Variants in DDAH1 observed in about 807,000 individuals in gnomAD.
DDAH1 encodes N(G),N(G)-dimethylarginine dimethylaminohydrolase 1.
A neutral mutation model predicts 28.8 loss-of-function variants in DDAH1; 19 were observed. That is an observed-to-expected ratio of 0.66 (90% CI 0.46 to 0.97). The LOEUF (loss-of-function observed/expected upper bound fraction) is 0.97. Ranked by LOEUF, DDAH1 falls within the 50% of genes least tolerant of loss-of-function variation. The pLI, the probability that DDAH1 is intolerant of heterozygous loss-of-function variation, is 0.00. For synonymous variants in DDAH1, 153 were observed against 154.4 expected (o/e 0.99, Z 0.07); for missense variants, 326 against 375.9 (o/e 0.87, Z 1.10).
intron 1 of DDAH1, among the ~76,000 whole-genome samples, chr1:85,409,503 A>G (rs1448118752): frequency 6.6e-6 from 1 of 152,218 alleles, no homozygotes; most frequent in Admixed American, 6.5e-5. Flanking sequence ...TTCTAGTCAC[A>G]TCAAACTTCC....
intron 1 of DDAH1, among the ~76,000 whole-genome samples, chr1:85,396,142 C>T (rs1041963928): frequency 2.0e-5 from 3 of 152,060 alleles, no homozygotes; most frequent in South Asian, 2.1e-4. Flanking sequence ...AAATGTGATC[C>T]TATTTTTGAT....
At chr1:85,400,172 CTTTTCT>C (rs1652001801) in intron 1 of DDAH1, among the ~76,000 whole-genome samples, 1 of 34,222 alleles carries the variant, frequency 2.9e-5, no homozygotes, top group African/African-American at 1.3e-4. Context: ...CCTTTCTTTT[CTTTTCT>C]TTTTTTTTTT....
intron 5 of DDAH1, among the ~76,000 whole-genome samples, chr1:85,322,105 T>C (rs1441290270): frequency 6.6e-6 from 1 of 152,108 alleles, no homozygotes; most frequent in Non-Finnish European, 1.5e-5. Context: ...TTATTTTCTG[T>C]GGAGACAGGG....
intron 1 of DDAH1, among the ~76,000 whole-genome samples, chr1:85,557,665 C>A (rs1659013231): frequency 6.6e-6 from 1 of 152,142 alleles, no homozygotes; most frequent in South Asian, 2.1e-4. Flanking sequence ...ATATTAGAGT[C>A]CTAACCCCCA....
chr1:85,326,823 C>T (rs1269498821), intron 4 of DDAH1, among the ~76,000 whole-genome samples: 1 of 152,214 alleles, frequency 6.6e-6, no homozygotes, highest in Non-Finnish European at 1.5e-5. Context: ...TCTTTCTTTA[C>T]AGCCCTGATT....
At chr1:85,521,249 G>A (rs539798397) in intron 1 of DDAH1, among the ~76,000 whole-genome samples, 1 of 151,414 alleles carries the variant, frequency 6.6e-6, no homozygotes, top group African/African-American at 2.4e-5. Flanking sequence ...TTGGAAACTT[G>A]AGTCCGTCCA....
At chr1:85,381,399 A>G (rs1353932961) in intron 1 of DDAH1, among the ~76,000 whole-genome samples, 1 of 150,104 alleles carries the variant, frequency 6.7e-6, no homozygotes, top group African/African-American at 2.5e-5. Flanking sequence ...GGTTATATGG[A>G]TAAGTTCTTC....
chr1:85,491,851 G>T (rs893980911), intron 2 of DDAH1, among the ~76,000 whole-genome samples: 3 of 152,166 alleles, frequency 2.0e-5, no homozygotes, highest in Non-Finnish European at 4.4e-5. Flanking sequence ...TCAAAACAAA[G>T]TCTGCAGTTT....
chr1:85,466,871 CTT>C (rs1655405802), upstream of DDAH1, among the ~76,000 whole-genome samples: 1 of 55,344 alleles, frequency 1.8e-5, no homozygotes, highest in African/African-American at 6.9e-5. Context: ...GAGTTTCGCT[CTT>C]GTTTCCCAGG....
intron 4 of DDAH1, among the ~76,000 whole-genome samples, chr1:85,348,752 G>A (rs535803903): frequency 1.8e-4 from 27 of 152,224 alleles, no homozygotes; most frequent in East Asian, 1.4e-3. Flanking sequence ...ATCATATAAC[G>A]TAGTGCTAAT....
At chr1:85,481,345 G>C (rs905875988) in intron 2 of DDAH1, among the ~76,000 whole-genome samples, 2 of 152,042 alleles carry the variant, frequency 1.3e-5, no homozygotes, top group Non-Finnish European at 2.9e-5. Flanking sequence ...TGATCCGCCT[G>C]CCTCAGCCTC....
chr1:85,517,868 T>C (rs1208537000), intron 1 of DDAH1, among the ~76,000 whole-genome samples: 2 of 152,188 alleles, frequency 1.3e-5, no homozygotes, highest in Admixed American at 6.6e-5. Context: ...GGCTACTCAC[T>C]GGGCCCTCAT....
chr1:85,490,701 A>C (rs990958452), intron 2 of DDAH1, among the ~76,000 whole-genome samples: 1 of 152,260 alleles, frequency 6.6e-6, no homozygotes, highest in African/African-American at 2.4e-5. Flanking sequence ...CTCTCTTTAG[A>C]AAGTTCTGCT....
At chr1:85,422,214 G>A (rs1300818824) in intron 1 of DDAH1, among the ~76,000 whole-genome samples, 1 of 152,110 alleles carries the variant, frequency 6.6e-6, no homozygotes, top group East Asian at 1.9e-4. Context: ...CTTTGGTGAA[G>A]AGTCTGTTCA....
chr1:85,404,526 A>G, intron 1 of DDAH1: 1 of 1,401,642 alleles, frequency 7.1e-7, no homozygotes, highest in Non-Finnish European at 9.3e-7. Context: ...AGCAAATAAT[A>G]ACACTAACTG....
chr1:85,364,203 A>C (rs1649943002), intron 1 of DDAH1, among the ~76,000 whole-genome samples: 1 of 152,140 alleles, frequency 6.6e-6, no homozygotes. Context: ...GATTCTCCTG[A>C]GGTCTCATCA....
At chr1:85,405,887 T>C (rs184486332) in intron 1 of DDAH1, among the ~76,000 whole-genome samples, 17 of 152,320 alleles carry the variant, frequency 1.1e-4, no homozygotes, top group Admixed American at 9.8e-4. Flanking sequence ...TACGTTTCTT[T>C]TGAAATTAGA....
intron 1 of DDAH1, among the ~76,000 whole-genome samples, chr1:85,397,754 A>C (rs2100569049): frequency 6.6e-6 from 1 of 152,318 alleles, no homozygotes; most frequent in South Asian, 2.1e-4. Context: ...GCCTCGCTTC[A>C]AGGATTCCCA....
At chr1:85,356,130 C>A (rs1649476534) in intron 2 of DDAH1, among the ~76,000 whole-genome samples, 1 of 152,062 alleles carries the variant, frequency 6.6e-6, no homozygotes, top group South Asian at 2.1e-4. Flanking sequence ...AGGTGGACAC[C>A]CAGGTGTTCA....
Sources: allele counts gnomAD v4.1 joint callset (sites outside exome capture counted in the v4.1 genomes callset), GRCh38; gene constraint gnomAD v4.1.1; transcripts MANE v1.5; gene names NCBI Gene and HGNC (gene_info 2026-07-23, HGNC 2026-07-21).